The following NUDCD3 variants were observed in gnomAD, a reference collection of about 807,000 sequenced individuals.
The protein encoded by NUDCD3 is NudC domain containing 3, also known as nudC domain-containing protein 3.
In NUDCD3, 13 loss-of-function variants were observed where a neutral mutation model predicts 39.7. That is an observed-to-expected ratio of 0.33 (90% CI 0.21 to 0.52). The LOEUF (loss-of-function observed/expected upper bound fraction) is 0.52. Among genes scored for constraint, NUDCD3 ranks in the 20% least tolerant of loss-of-function variants. The probability of loss-of-function intolerance (pLI) is 0.96; values close to 1 mark genes in which losing one functional copy is unlikely to be tolerated. For missense variants in NUDCD3, 453 were observed against 458.1 expected, an observed-to-expected ratio of 0.99 and a Z score of 0.10; for synonymous variants, 175 against 172.4, an observed-to-expected ratio of 1.02 and a Z score of -0.12.
At chr7:44,392,572 G>A (rs986486986) in intron 4 of NUDCD3, 87 bp from the exon 5 acceptor site, 7 of 1,205,138 alleles carry the variant, frequency 5.8e-6, no homozygotes, top group African/African-American at 1.5e-5. Context: ...CTGAGGGATG[G>A]GTGTCCAGGA....
chr7:44,462,717 T>C (rs904530900), intron 2 of NUDCD3, among the ~76,000 whole-genome samples: 2 of 152,214 alleles, frequency 1.3e-5, no homozygotes, highest in Non-Finnish European at 2.9e-5. Context: ...CCATTAGACA[T>C]GCAGGTAGAC....
chr7:44,487,189 C>G (rs1194466305), intron 1 of NUDCD3, among the ~76,000 whole-genome samples: 3 of 152,154 alleles, frequency 2.0e-5, no homozygotes, highest in African/African-American at 7.2e-5. Flanking sequence ...ATGCAATTTT[C>G]ACATACATCA....
At chr7:44,426,525 G>A (rs1260631661) in intron 3 of NUDCD3, among the ~76,000 whole-genome samples, 1 of 152,152 alleles carries the variant, frequency 6.6e-6, no homozygotes, top group Non-Finnish European at 1.5e-5. Context: ...GGCCGGGCGC[G>A]GTGGCTCACG....
intron 3 of NUDCD3, among the ~76,000 whole-genome samples, chr7:44,420,767 T>C (rs779683712): frequency 6.6e-6 from 1 of 152,026 alleles, no homozygotes; most frequent in Non-Finnish European, 1.5e-5. Context: ...TAAGTGAAGG[T>C]GAAATAAAAT....
chr7:44,396,125 G>T (rs552953923), intron 4 of NUDCD3, among the ~76,000 whole-genome samples: 1 of 140,446 alleles, frequency 7.1e-6, no homozygotes, highest in Admixed American at 7.8e-5. Context: ...GTGTGTGTGT[G>T]TTTAATTACA....
At chr7:44,430,400 T>C (rs904987684) in intron 2 of NUDCD3, among the ~76,000 whole-genome samples, 2 of 152,104 alleles carry the variant, frequency 1.3e-5, no homozygotes, top group African/African-American at 4.8e-5. Context: ...GACATAAATA[T>C]GCTTAAACAT....
intron 1 of NUDCD3, among the ~76,000 whole-genome samples, chr7:44,488,888 G>C (rs1403524027): frequency 6.6e-6 from 1 of 152,120 alleles, no homozygotes; most frequent in Non-Finnish European, 1.5e-5. Flanking sequence ...GTGAAACAAA[G>C]ACCAACCTCT....
At chr7:44,386,858 G>A (rs1798411053) in intron 5 of NUDCD3, among the ~76,000 whole-genome samples, 1 of 152,158 alleles carries the variant, frequency 6.6e-6, no homozygotes, top group Non-Finnish European at 1.5e-5. Flanking sequence ...TGGACCCTGA[G>A]GGAAGCATCT....
intron 2 of NUDCD3, among the ~76,000 whole-genome samples, chr7:44,472,258 ATAC>A (rs1325860888): frequency 9.2e-5 from 14 of 152,230 alleles, no homozygotes; most frequent in Non-Finnish European, 1.5e-4. Flanking sequence ...TGTTACTAAA[ATAC>A]TACTATAAAT....
At chr7:44,404,323 A>C in intron 4 of NUDCD3, 117 bp downstream of exon 4, 2 of 1,041,492 alleles carry the variant, frequency 1.9e-6, no homozygotes, top group Non-Finnish European at 2.8e-6. Context: ...CATCTGCCCC[A>C]GCAGCTGAAA....
At chr7:44,446,121 T>C (rs1799686298) in intron 2 of NUDCD3, among the ~76,000 whole-genome samples, 1 of 152,230 alleles carries the variant, frequency 6.6e-6, no homozygotes, top group Non-Finnish European at 1.5e-5. Context: ...GGCTGGACTA[T>C]TCAAGTCCTA....
chr7:44,463,567 C>T (rs1017681203), intron 2 of NUDCD3, among the ~76,000 whole-genome samples: 2 of 152,122 alleles, frequency 1.3e-5, no homozygotes, highest in Admixed American at 6.5e-5. Context: ...TGCTGCAGAA[C>T]ACAGAGTTAG....
intron 2 of NUDCD3, among the ~76,000 whole-genome samples, chr7:44,480,277 G>T (rs1800460165): frequency 6.6e-6 from 1 of 151,794 alleles, no homozygotes; most frequent in Non-Finnish European, 1.5e-5. Context: ...ATCATAAAAG[G>T]AATACAAAAA....
chr7:44,484,089 A>G (rs1800551723), intron 2 of NUDCD3, among the ~76,000 whole-genome samples: 1 of 152,212 alleles, frequency 6.6e-6, no homozygotes, highest in Non-Finnish European at 1.5e-5. Flanking sequence ...AAAACAGAAG[A>G]GAACTCAAGG....
At chr7:44,458,978 G>GTGTGTA (rs1799954177) in intron 2 of NUDCD3, among the ~76,000 whole-genome samples, 5 of 147,322 alleles carry the variant, frequency 3.4e-5, no homozygotes, top group Admixed American at 3.4e-4. Context: ...GTGTGTGTGT[G>GTGTGTA]TGGTGATGTG....
At chr7:44,408,646 T>C (rs989505727) in intron 3 of NUDCD3, among the ~76,000 whole-genome samples, 5 of 152,180 alleles carry the variant, frequency 3.3e-5, no homozygotes, top group Non-Finnish European at 5.9e-5. Flanking sequence ...AAATTGTCAG[T>C]ATCAACTTCT....
chr7:44,416,214 G>T (rs1303100213), intron 3 of NUDCD3, among the ~76,000 whole-genome samples: 1 of 152,116 alleles, frequency 6.6e-6, no homozygotes, highest in African/African-American at 2.4e-5. Context: ...CTCCCAAGTA[G>T]CTAGGACTAC....
At chr7:44,393,068 C>T (rs1798549514) in intron 4 of NUDCD3, among the ~76,000 whole-genome samples, 1 of 152,154 alleles carries the variant, frequency 6.6e-6, no homozygotes, top group African/African-American at 2.4e-5. Flanking sequence ...GGAGTCCTCA[C>T]CCCATGACAG....
chr7:44,475,586 G>A (rs1340963585), intron 2 of NUDCD3, among the ~76,000 whole-genome samples: 4 of 151,722 alleles, frequency 2.6e-5, no homozygotes, highest in Admixed American at 6.6e-5. Flanking sequence ...AGGGAGTCTC[G>A]TCTCTACAAA....
Sources: allele counts gnomAD v4.1 joint callset (sites outside exome capture counted in the v4.1 genomes callset), GRCh38; gene constraint gnomAD v4.1.1; transcripts MANE v1.5; gene names NCBI Gene and HGNC (gene_info 2026-07-23, HGNC 2026-07-21).